Variants in RTF2 observed in about 807,000 individuals in gnomAD.
RTF2 encodes replication termination factor 2.
A neutral mutation model predicts 38.0 loss-of-function variants in RTF2; 18 were observed. The ratio of observed to expected loss-of-function variants is 0.47; its 90% CI spans 0.33 to 0.70. The LOEUF is 0.70. Ranked by LOEUF, RTF2 falls within the 30% of genes least tolerant of loss-of-function variation. RTF2 has a pLI of 0.02. For synonymous variants in RTF2, 126 were observed against 137.1 expected (o/e 0.92, Z 0.57); for missense variants, 311 against 379.6 (o/e 0.82, Z 1.50).
intron 5 of RTF2, among the ~76,000 whole-genome samples, chr20:56,507,710 A>C (rs1204344956): frequency 6.6e-6 from 1 of 152,096 alleles, no homozygotes; most frequent in Admixed American, 6.5e-5. Flanking sequence ...AGGAGAGAAA[A>C]AGAAAGGTGG....
chr20:56,488,549 AAG>A (rs1982913715), intron 5 of RTF2, among the ~76,000 whole-genome samples: 1 of 152,196 alleles, frequency 6.6e-6, no homozygotes, highest in African/African-American at 2.4e-5. Context: ...GTGGAGTAGA[AAG>A]AGAAAAAGTT....
At position 56,518,806 on chromosome 20, in the gene RTF2, T is replaced by G. The variant is rs1444588129; in HGVS notation, c.*541T>G. The stretch of plus-strand genomic sequence containing the variant: ...TACTGTTAGGGGAGTGTGCCCCATC[T>G]CATCATTTCGAAGATAGCAGAGTCA... On this transcript the variant is annotated 3_prime_UTR_variant, in exon 9 of 9. Coordinates refer to ENST00000357348, the MANE Select transcript of RTF2 (RefSeq NM_016407.5). 2.0e-5 allele frequency: 3 copies of G among 152,204 alleles called. No homozygotes were observed. The East Asian group carries it at 5.8e-4, about 29-fold the overall frequency. The allele number at this position is 152,204 out of a possible 1,614,324, so 9.4% of individuals were successfully genotyped here.
At chr20:56,481,447 G>C (rs996061845) in intron 4 of RTF2, among the ~76,000 whole-genome samples, 2 of 152,180 alleles carry the variant, frequency 1.3e-5, no homozygotes, top group South Asian at 2.1e-4. Context: ...AGGACCTTTT[G>C]CTTTTAAATA....
intron 5 of RTF2, chr20:56,495,150 AGTT>A (rs1268206692): frequency 1.7e-5 from 22 of 1,264,876 alleles, no homozygotes; most frequent in Middle Eastern, 1.8e-4. Flanking sequence ...GCAGTTTTAT[AGTT>A]GTTGTAAAAT....
At chr20:56,491,625 C>T (rs1983137104) in intron 5 of RTF2, 1 of 1,551,922 alleles carries the variant, frequency 6.4e-7, no homozygotes, top group Non-Finnish European at 8.7e-7. Flanking sequence ...ATAGGAACTT[C>T]TGCCTGCCTC....
intron 1 of RTF2, chr20:56,470,896 T>A (rs572102509): frequency 3.6e-6 from 1 of 274,088 alleles, no homozygotes; most frequent in Admixed American, 4.0e-5. Context: ...TTTATCTGGC[T>A]ATTTATTTGT....
intron 6 of RTF2, chr20:56,513,753 T>C: frequency 4.0e-6 from 1 of 247,644 alleles, no homozygotes; most frequent in Admixed American, 4.4e-5. Context: ...CAGCAAGCCC[T>C]TGGGGAAGGG....
intron 5 of RTF2, among the ~76,000 whole-genome samples, chr20:56,505,551 G>C (rs1313059136): frequency 6.6e-6 from 1 of 151,332 alleles, no homozygotes; most frequent in African/African-American, 2.4e-5. Flanking sequence ...CTAGACGGCA[G>C]ATCTGCTCAC....
chr20:56,511,292 G>A (rs1161926385), intron 5 of RTF2, among the ~76,000 whole-genome samples: 2 of 152,106 alleles, frequency 1.3e-5, no homozygotes, highest in African/African-American at 4.8e-5. Context: ...TCCATCAGCG[G>A]CATTAGATTC....
intron 5 of RTF2, chr20:56,504,350 T>C (rs796288909): frequency 4.6e-5 from 7 of 152,334 alleles, no homozygotes; most frequent in African/African-American, 1.7e-4. Context: ...GGGCGCACAG[T>C]CACTCACATT....
intron 4 of RTF2, among the ~76,000 whole-genome samples, chr20:56,477,459 A>G (rs1982314130): frequency 6.6e-6 from 1 of 152,230 alleles, no homozygotes; most frequent in South Asian, 2.1e-4. Context: ...TGGGACAGAA[A>G]GCAAAGAGCA....
At chr20:56,486,073 G>A (rs770503551) in intron 5 of RTF2, among the ~76,000 whole-genome samples, 7 of 152,156 alleles carry the variant, frequency 4.6e-5, no homozygotes, top group Non-Finnish European at 1.0e-4. Context: ...CTCTGGGGAG[G>A]CGCACAGCCA....
chr20:56,482,957 A>T (rs1025468957), intron 4 of RTF2, among the ~76,000 whole-genome samples: 2 of 152,126 alleles, frequency 1.3e-5, no homozygotes, highest in African/African-American at 4.8e-5. Flanking sequence ...CCAAACTCTC[A>T]TGGGGTCACA....
At chr20:56,502,356 G>A (rs1168368132) in intron 5 of RTF2, among the ~76,000 whole-genome samples, 1 of 152,164 alleles carries the variant, frequency 6.6e-6, no homozygotes, top group Non-Finnish European at 1.5e-5. Flanking sequence ...CAGTGCCTGT[G>A]TTCTTTTTTT....
Position 56,473,368 on chromosome 20 carries a change from G to A in RTF2, c.137G>A (p.Arg46Gln), listed in dbSNP as rs1379923765. 6 of 1,613,024 alleles carry A rather than the reference G, an allele frequency of 3.7e-6. No homozygotes were observed. The highest frequency in any genetic ancestry group is 4.5e-5 in the East Asian group (2 of 44,850). ...YCTLSQEILRRPIVACELGRL... is the reference protein window; with the variant it reads ...YCTLSQEILRQPIVACELGRL... ...ACTCTAAGTCAGGAAATATTAAGACGACCAATAGTTGCCTGTGAACTTGGC... is the reference window on the plus strand; with the variant it reads ...ACTCTAAGTCAGGAAATATTAAGACAACCAATAGTTGCCTGTGAACTTGGC... The change falls in exon 2 of 9, where the codon CGA (arginine) becomes CAA (glutamine). Residue 46 changes from arginine to glutamine, a missense_variant. Physicochemically the swap from Arg to Gln is conservative, Grantham distance 43. Coordinates refer to ENST00000357348, the MANE Select transcript of RTF2 (RefSeq NM_016407.5).
chr20:56,473,509 G>T, intron 2 of RTF2, 114 bp downstream of exon 2: 1 of 704,458 alleles, frequency 1.4e-6, no homozygotes. Flanking sequence ...AATTTGTGAG[G>T]CATAGGCTGT....
chr20:56,476,206 A>G (rs1023818809), intron 3 of RTF2, among the ~76,000 whole-genome samples: 1 of 152,124 alleles, frequency 6.6e-6, no homozygotes, highest in Non-Finnish European at 1.5e-5. Context: ...AGCTCGTTAG[A>G]CCGTGGCCTC....
At chr20:56,489,870 T>C (rs1286490568) in intron 5 of RTF2, among the ~76,000 whole-genome samples, 1 of 152,272 alleles carries the variant, frequency 6.6e-6, no homozygotes, top group African/African-American at 2.4e-5. Context: ...CTGAGCTTTC[T>C]GAATGAACAG....
In RTF2 at chr20:56,499,713, GT is replaced by G. The variant is rs372799032; in HGVS notation, c.478-13598del. Among the ~76,000 whole-genome samples, 136 of 151,188 alleles carry G rather than the reference GT, an allele frequency of 9.0e-4. 2 individuals are homozygous for G. The highest frequency in any genetic ancestry group is 3.1e-3 in the African/African-American group (130 of 41,290). On this transcript the variant is annotated intron_variant, in intron 5 of 8. Transcript: ENST00000357348. ...CTTTAGTATAGGAAGAAGGGTTTGG[GT>G]TTTGTTTTTTTTTTTCTGTTGTCCT... is the stretch of plus-strand genomic sequence containing the variant.
Sources: allele counts gnomAD v4.1 joint callset (sites outside exome capture counted in the v4.1 genomes callset), GRCh38; gene constraint gnomAD v4.1.1; transcripts MANE v1.5; gene names NCBI Gene and HGNC (gene_info 2026-07-23, HGNC 2026-07-21).